The following LRRIQ3 variants were observed in gnomAD, a reference collection of about 807,000 sequenced individuals.
LRRIQ3 encodes the protein leucine rich repeats and IQ motif containing 3, also known as leucine-rich repeat and IQ domain-containing protein 3.
A neutral mutation model predicts 59.3 loss-of-function variants in LRRIQ3; 75 were observed. The observed-to-expected ratio is 1.26, with a 90% CI of 1.05 to 1.53. The LOEUF (loss-of-function observed/expected upper bound fraction) is 1.53, where lower values mean the gene tolerates loss of function less well. Among genes scored for constraint, LRRIQ3 ranks in the 40% most tolerant of loss-of-function variants. The pLI is 0.00. For missense variants in LRRIQ3, 831 were observed against 710.0 expected, an observed-to-expected ratio of 1.17 and a Z score of -1.94; for synonymous variants, 250 against 231.3, an observed-to-expected ratio of 1.08 and a Z score of -0.73.
intron 4 of LRRIQ3, among the ~76,000 whole-genome samples, chr1:74,139,115 TATGTGTGTGTGTATATATATATATAC>T (rs1351636337): frequency 9.8e-5 from 5 of 51,186 alleles, no homozygotes; most frequent in Non-Finnish European, 1.7e-4. Context: ...TACATATATG[TATGTGTGTGTGTATATATATATATAC>T]ATGTGTGTGT....
chr1:74,193,469 C>T (rs552302684), intron 1 of LRRIQ3, among the ~76,000 whole-genome samples: 1 of 152,038 alleles, frequency 6.6e-6, no homozygotes, highest in Non-Finnish European at 1.5e-5. Context: ...TCTTCACACC[C>T]AACTTTGATG....
intron 6 of LRRIQ3, among the ~76,000 whole-genome samples, chr1:74,067,214 A>T (rs1404804738): frequency 6.6e-6 from 1 of 152,112 alleles, no homozygotes; most frequent in East Asian, 1.9e-4. Context: ...AGACTTATGA[A>T]TTAAAAGACA....
In LRRIQ3 at chr1:74,041,573, ACT is replaced by A; in HGVS notation, c.1356_1357del (p.Arg452SerfsTer2). ...CAAATGTTCATTAACAGCTACTCTA[ACT>A]CTTTCTCGAGCAACTTGTGCCATGG... On this transcript the variant is annotated frameshift_variant, in exon 7 of 8. Transcript: ENST00000354431. LOFTEE classifies it high-confidence loss of function. 6.2e-7 allele frequency: 1 copy of A among 1,613,490 alleles called. No homozygotes were observed. The highest frequency in any genetic ancestry group is 2.2e-5 in the East Asian group (1 of 44,842).
intron 1 of LRRIQ3, among the ~76,000 whole-genome samples, chr1:74,192,225 T>C (rs1650811865): frequency 1.3e-5 from 2 of 152,110 alleles, no homozygotes; most frequent in Non-Finnish European, 2.9e-5. Flanking sequence ...TGTTAGGACA[T>C]TCAGAGTTAA....
intron 7 of LRRIQ3, among the ~76,000 whole-genome samples, chr1:74,035,708 A>G (rs1653848496): frequency 1.3e-5 from 2 of 152,154 alleles, no homozygotes; most frequent in South Asian, 4.1e-4. Context: ...TTACTGCACA[A>G]CTGTCTACTG....
chr1:74,033,194 T>C (rs947899240), intron 7 of LRRIQ3, among the ~76,000 whole-genome samples: 9 of 152,024 alleles, frequency 5.9e-5, no homozygotes, highest in Admixed American at 5.3e-4. Context: ...CTGTGGGGCA[T>C]TGATTTCTTC....
At chr1:74,123,573 C>T (rs536829247) in intron 4 of LRRIQ3, among the ~76,000 whole-genome samples, 1 of 152,088 alleles carries the variant, frequency 6.6e-6, no homozygotes, top group East Asian at 1.9e-4. Context: ...CTGTGTCTGC[C>T]TTATTTCACT....
chr1:74,135,622 T>C (rs557670582), intron 4 of LRRIQ3, among the ~76,000 whole-genome samples: 8 of 152,000 alleles, frequency 5.3e-5, no homozygotes, highest in African/African-American at 1.9e-4. Context: ...TATCTGGAAA[T>C]AAATTTATTA....
chr1:74,090,100 TG>T (rs1337144570), intron 5 of LRRIQ3, among the ~76,000 whole-genome samples: 2 of 152,070 alleles, frequency 1.3e-5, no homozygotes, highest in African/African-American at 4.8e-5. Flanking sequence ...TTTTACTGTT[TG>T]ATAAAACTGA....
chr1:74,061,066 A>G (rs1393464303), intron 6 of LRRIQ3, among the ~76,000 whole-genome samples: 1 of 152,146 alleles, frequency 6.6e-6, no homozygotes, highest in Non-Finnish European at 1.5e-5. Flanking sequence ...ACTTGATCTG[A>G]TATATGACCT....
chr1:74,053,361 GA>G (rs1367988684), intron 6 of LRRIQ3, among the ~76,000 whole-genome samples: 2 of 151,946 alleles, frequency 1.3e-5, no homozygotes, highest in Non-Finnish European at 2.9e-5. Flanking sequence ...AAAGTTCCAT[GA>G]AAGAAATAAC....
chr1:74,165,894 T>G (rs964294876), intron 3 of LRRIQ3, among the ~76,000 whole-genome samples: 1 of 151,622 alleles, frequency 6.6e-6, no homozygotes, highest in Non-Finnish European at 1.5e-5. Context: ...TGTTGAACCA[T>G]CCTTGAATCC....
intron 6 of LRRIQ3, among the ~76,000 whole-genome samples, chr1:74,063,151 C>A (rs10789385): frequency 0.82 from 123,754 of 150,670 alleles, 52,405 homozygotes; most frequent in East Asian, 0.95. Flanking sequence ...ACAACAACAA[C>A]AAAACGAGGA....
chr1:74,049,672 A>C (rs1219395124), intron 6 of LRRIQ3, among the ~76,000 whole-genome samples: 1 of 152,192 alleles, frequency 6.6e-6, no homozygotes, highest in Non-Finnish European at 1.5e-5. Context: ...AAATATTTTT[A>C]TATGTATTAC....
rs1174291584 is a variant in LRRIQ3, at chr1:74,198,134, A to T, written c.-139T>A. ...AGACAACATCCAAGTTCTCCACATC[A>T]TGGTTTTCCGGGCGCCAGCCAAGGC... On this transcript the variant is annotated 5_prime_UTR_variant, in exon 1 of 8. An upstream start codon of the reference 5' UTR is lost. Transcript: ENST00000354431. 9 of 1,465,194 alleles carry T rather than the reference A, an allele frequency of 6.1e-6. No individual in the cohort carries two copies. Among genetic ancestry groups the T allele is most frequent in the Non-Finnish European group, 9.0e-7 (1 of 1,106,750 alleles). The allele number at this position is 1,465,194 out of a possible 1,614,324, so 90.8% of individuals were successfully genotyped here.
At chr1:74,101,612 A>T (rs1488245954) in intron 5 of LRRIQ3, among the ~76,000 whole-genome samples, 1 of 152,208 alleles carries the variant, frequency 6.6e-6, no homozygotes, top group African/African-American at 2.4e-5. Flanking sequence ...ATGCACATGT[A>T]TGTTTATTGT....
Position 74,074,734 on chromosome 1 carries a change from T to C in LRRIQ3, c.924A>G (p.Ser308=). The change falls in exon 6 of 8, where the codon TCA becomes TCG. Residue 308 remains serine, a synonymous_variant. Coordinates refer to ENST00000354431, the MANE Select transcript of LRRIQ3 (RefSeq NM_001105659.2). Reference sequence around the variant, plus strand: ...TTGGTTTTAATTCACATAAAATAGATGACACATGTTTTCTGTGTTCACTGG... The same window carrying C: ...TTGGTTTTAATTCACATAAAATAGACGACACATGTTTTCTGTGTTCACTGG... ...KNSSEHRKHV[S]SILCELKPKD... 6.9e-7 allele frequency: 1 copy of C among 1,451,664 alleles called. No individual in the cohort carries two copies. Among genetic ancestry groups the C allele is most frequent in the Non-Finnish European group, 9.3e-7 (1 of 1,073,182 alleles). The allele number at this position is 1,451,664 out of a possible 1,614,324, so 89.9% of individuals were successfully genotyped here.
chr1:74,046,129 A>G (rs1027943609), intron 6 of LRRIQ3, among the ~76,000 whole-genome samples: 2 of 152,192 alleles, frequency 1.3e-5, no homozygotes, highest in African/African-American at 4.8e-5. Flanking sequence ...TATGGAACCA[A>G]AAAAGAGCCT....
chr1:74,088,833 A>C (rs927546180), intron 5 of LRRIQ3, among the ~76,000 whole-genome samples: 1 of 152,034 alleles, frequency 6.6e-6, no homozygotes, highest in Non-Finnish European at 1.5e-5. Flanking sequence ...TACCAAAATA[A>C]AAAGCATCTG....
Sources: gnomAD v4.1 joint callset for allele counts (sites outside exome capture counted in the v4.1 genomes callset) on GRCh38, gnomAD v4.1.1 for gene constraint, MANE v1.5 for transcripts, NCBI Gene and HGNC (gene_info 2026-07-23, HGNC 2026-07-21) for gene names.